The following ERAP1 variants were observed in gnomAD, a reference collection of about 807,000 sequenced individuals.
ERAP1 encodes the protein adipocyte-derived leucine aminopeptidase.
A neutral mutation model predicts 103.7 loss-of-function variants in ERAP1; 86 were observed. That is an observed-to-expected ratio of 0.83 (90% CI 0.70 to 0.99). The LOEUF is 0.99. Ranked by LOEUF, ERAP1 falls within the 50% of genes least tolerant of loss-of-function variation. The probability of loss-of-function intolerance (pLI) is 0.00; values close to 1 mark genes in which losing one functional copy is unlikely to be tolerated. For missense variants in ERAP1, 1,009 were observed against 1,128.4 expected (o/e 0.89, Z 1.52); for synonymous variants, 398 against 402.4 (o/e 0.99, Z 0.13).
At chr5:96,912,589 T>C in the ERAP1 span, 2 of 1,528,550 alleles carry the variant, frequency 1.3e-6, no homozygotes, top group Admixed American at 2.1e-5. Context: ...AAGAAAAAAG[T>C]TTTTCTTTCA....
In ERAP1 at chr5:96,803,543, C is replaced by G. The variant is rs755948375; in HGVS notation, c.384G>C (p.Gln128His). Residue 128 changes from glutamine to histidine, a missense_variant, in exon 2 of 19, where the codon CAG becomes CAC. Gln to His is a conservative substitution (Grantham distance 24, BLOSUM62 0). Transcript: ENST00000443439. The stretch of plus-strand genomic sequence containing the variant: ...CGGGAGCCAGCAGTGCAATTTGCTC[C>G]TGACGGGGGTGTTCCAGGACCTGCA... ...EPLQVLEHPR[Q>H]EQIALLAPEP... 3 of 1,613,608 alleles carry G rather than the reference C, an allele frequency of 1.9e-6. No individual in the cohort carries two copies. In the Admixed American group the frequency reaches 5.0e-5, roughly 27 times the overall value.
rs1768688563 is a variant in ERAP1 at position 96,763,348 on chromosome 5, G to GTGTGTA, written c.2819-126_2819-121dup. ...TTAAAACCAGTAAAATGCCCCGTGT[G>GTGTGTA]TGTGTATGTGCATGTGCATGTGCAT... On this transcript the variant is annotated intron_variant, in intron 19 of 19. Transcript: ENST00000296754. 6.7e-6 allele frequency: 5 copies of GTGTGTA among 744,182 alleles called. 1 individual carries two copies. Among genetic ancestry groups the GTGTGTA allele is most frequent in the African/African-American group, 1.7e-5 (1 of 58,192 alleles). 46.1% of individuals were successfully genotyped at this position (744,182 alleles called of 1,614,324 possible). A position where few individuals can be genotyped will look rare whatever the true frequency, so the allele number is the denominator to read the frequency against.
chr5:96,892,395 C>T, the ERAP1 span: 3 of 1,613,968 alleles, frequency 1.9e-6, no homozygotes, highest in African/African-American at 2.7e-5. Context: ...CCCAAGACCT[C>T]TTCTGCTTCC....
the ERAP1 span, chr5:96,880,109 T>C: frequency 1.2e-6 from 2 of 1,614,184 alleles, no homozygotes; most frequent in Non-Finnish European, 1.7e-6. Flanking sequence ...AGTTTTGAGT[T>C]ACCCTGCTCA....
At chr5:96,889,305 G>C in the ERAP1 span, 2 of 1,613,786 alleles carry the variant, frequency 1.2e-6, no homozygotes, top group South Asian at 2.2e-5. Flanking sequence ...CTCCAAACTG[G>C]GTATGTTCAA....
chr5:96,881,933 C>T, the ERAP1 span, among the ~76,000 whole-genome samples: 4 of 152,042 alleles, frequency 2.6e-5, no homozygotes, highest in Non-Finnish European at 5.9e-5. Context: ...GACTTGTTGC[C>T]TTCCTGAATA....
At chr5:96,912,713 CA>C in the ERAP1 span, 506 of 1,604,516 alleles carry the variant, frequency 3.2e-4, no homozygotes, top group Non-Finnish European at 4.0e-4. Flanking sequence ...CCTTTTAGAG[CA>C]ATATGAACTG....
intron 19 of ERAP1, chr5:96,767,960 C>A (rs752570089): frequency 3.7e-6 from 6 of 1,613,468 alleles, no homozygotes; most frequent in Non-Finnish European, 5.1e-6. Flanking sequence ...ATCTGGACAG[C>A]TGTCCCTCCA....
chr5:96,832,335 C>G, the ERAP1 span, among the ~76,000 whole-genome samples: 1 of 152,146 alleles, frequency 6.6e-6, no homozygotes, highest in Non-Finnish European at 1.5e-5. Flanking sequence ...CAGTTGTATT[C>G]TTTAGGTAGT....
At chr5:96,852,461 C>A in the ERAP1 span, among the ~76,000 whole-genome samples, 86 of 152,260 alleles carry the variant, frequency 5.6e-4, no homozygotes, top group African/African-American at 2.0e-3. Context: ...AATTTTTACA[C>A]ATCTAGGTTT....
the ERAP1 span, among the ~76,000 whole-genome samples, chr5:96,869,152 A>T: frequency 2.0e-5 from 3 of 151,566 alleles, no homozygotes; most frequent in Non-Finnish European, 4.4e-5. Flanking sequence ...TGTAATTTAA[A>T]ATGCATAGCT....
the ERAP1 span, chr5:96,880,382 A>C: frequency 1.1e-6 from 1 of 886,116 alleles, no homozygotes; most frequent in Non-Finnish European, 1.7e-6. Context: ...TGGGGAACCC[A>C]GAAGAAGGAA....
At chr5:96,881,446 G>A in the ERAP1 span, 4 of 456,104 alleles carry the variant, frequency 8.8e-6, no homozygotes, top group East Asian at 1.4e-4. Flanking sequence ...TAGAGTGGAC[G>A]GCTTGGTTTC....
At chr5:96,883,660 T>G in the ERAP1 span, 1 of 866,384 alleles carries the variant, frequency 1.2e-6, no homozygotes, top group South Asian at 1.9e-5. Flanking sequence ...ACAGTTGAGA[T>G]TCACAAAGAT....
chr5:96,784,132 A>G (rs771814883), intron 13 of ERAP1, 52 bp from the exon 14 acceptor site: 1 of 1,575,908 alleles, frequency 6.3e-7, no homozygotes, highest in Admixed American at 1.7e-5. Context: ...CGGGAAGTCA[A>G]CTTTTTGCTT....
the ERAP1 span, among the ~76,000 whole-genome samples, chr5:96,893,893 C>A: frequency 6.6e-6 from 1 of 152,202 alleles, no homozygotes; most frequent in African/African-American, 2.4e-5. Flanking sequence ...CTGCCATTTT[C>A]TGAACATGCC....
chr5:96,884,884 A>G, the ERAP1 span, among the ~76,000 whole-genome samples: 1 of 152,224 alleles, frequency 6.6e-6, no homozygotes, highest in Non-Finnish European at 1.5e-5. Context: ...CTCACTGGTG[A>G]CAATTGCCAT....
Position 96,803,949 on chromosome 5 carries a change from G to A in ERAP1, c.-17-6C>T, listed in dbSNP as rs773278810. The A allele has an allele frequency of 2.8e-5, 45 of 1,601,884 alleles. No individual in the cohort carries two copies. The highest frequency in any genetic ancestry group is 2.1e-4 in the South Asian group (19 of 91,048). The stretch of plus-strand genomic sequence containing the variant: ...CATCTTCTTGCTCTACCTACCTAGC[G>A]GCACAAATGTACAAAAGCAAAAATA... On this transcript the variant is annotated splice_region_variant and splice_polypyrimidine_tract_variant and intron_variant, in intron 1 of 18. Coordinates refer to ENST00000443439, the MANE Select transcript of ERAP1 (RefSeq NM_001040458.3).
the ERAP1 span, among the ~76,000 whole-genome samples, chr5:96,885,338 C>T: frequency 1.3e-5 from 2 of 152,182 alleles, no homozygotes; most frequent in African/African-American, 4.8e-5. Flanking sequence ...ATCCAGAGAA[C>T]ACTGGTTGAA....
Sources: allele counts gnomAD v4.1 joint callset (sites outside exome capture counted in the v4.1 genomes callset), GRCh38; gene constraint gnomAD v4.1.1; transcripts MANE v1.5; gene names NCBI Gene and HGNC (gene_info 2026-07-23, HGNC 2026-07-21).